Variants in MIS18BP1 observed in about 807,000 individuals in gnomAD.
MIS18BP1 encodes the protein MIS18 binding protein 1, also known as mis18-binding protein 1.
A neutral mutation model predicts 116.1 loss-of-function variants in MIS18BP1; 72 were observed. The ratio of observed to expected loss-of-function variants is 0.62; its 90% CI spans 0.51 to 0.75. The LOEUF (loss-of-function observed/expected upper bound fraction) is 0.75. Among genes scored for constraint, MIS18BP1 ranks in the 30% least tolerant of loss-of-function variants. The pLI, the probability that MIS18BP1 is intolerant of heterozygous loss-of-function variation, is 0.00. For missense variants in MIS18BP1, 1,363 were observed against 1,303.2 expected (o/e 1.05, Z -0.71); for synonymous variants, 386 against 427.0 (o/e 0.90, Z 1.18).
chr14:45,220,098 CCTTT>C (rs1387409354), intron 11 of MIS18BP1, among the ~76,000 whole-genome samples: 1 of 142,012 alleles, frequency 7.0e-6, no homozygotes. Context: ...TCTTTATTTA[CCTTT>C]CTTTTTTTTT....
intron 4 of MIS18BP1, among the ~76,000 whole-genome samples, chr14:45,240,698 G>A (rs1265853684): frequency 1.3e-5 from 2 of 151,986 alleles, no homozygotes; most frequent in East Asian, 3.9e-4. Flanking sequence ...AAAAAATGCA[G>A]GCCATGTTTC....
intron 6 of MIS18BP1, among the ~76,000 whole-genome samples, chr14:45,235,401 A>G (rs1301640821): frequency 6.6e-6 from 1 of 151,792 alleles, no homozygotes; most frequent in Non-Finnish European, 1.5e-5. Context: ...CATGCACAGG[A>G]CCAGCCTGGT....
chr14:45,224,465 T>C lies in MIS18BP1; in HGVS notation c.2122A>G (p.Ser708Gly). 6.2e-7 allele frequency: 1 copy of C among 1,613,934 alleles called. No individual in the cohort carries two copies. ...TLENTFEGHK[S>G]KNKEDCDERD... is the part of the protein sequence containing the mutation. ...TCATCGCAATCTTCCTTGTTTTTAC[T>C]TTTATGACCTTCAAATGTATTTTCT... The change falls in exon 11 of 17, where the codon AGT becomes GGT. Residue 708 changes from serine to glycine, a missense_variant. Ser to Gly is a moderately conservative substitution (Grantham distance 56, BLOSUM62 0). Coordinates refer to ENST00000310806, the MANE Select transcript of MIS18BP1 (RefSeq NM_018353.5).
chr14:45,204,065 CTGCT>C lies in MIS18BP1; in HGVS notation c.*40_*43del, dbSNP rs1291331134. On this transcript the variant is annotated 3_prime_UTR_variant, in exon 17 of 17. Coordinates refer to ENST00000310806, the MANE Select transcript of MIS18BP1 (RefSeq NM_018353.5). ...CTCCAGTTGAAAATACAAACACTGTCTGCTTTATGGTAAAAATCCCAGGAATCAT... is the reference window on the plus strand; with the variant it reads ...CTCCAGTTGAAAATACAAACACTGTCTTATGGTAAAAATCCCAGGAATCAT... 6.3e-7 allele frequency: 1 copy of C among 1,590,208 alleles called. No individual in the cohort carries two copies. The highest frequency in any genetic ancestry group is 8.5e-7 in the Non-Finnish European group (1 of 1,170,326).
At chr14:45,240,979 T>C (rs769582818) in intron 4 of MIS18BP1, among the ~76,000 whole-genome samples, 3 of 152,328 alleles carry the variant, frequency 2.0e-5, no homozygotes, top group East Asian at 3.9e-4. Flanking sequence ...AGCGAATATA[T>C]TGAGATATAA....
chr14:45,242,062 G>A lies in MIS18BP1; in HGVS notation c.1115C>T (p.Thr372Ile). 1 of 1,611,590 alleles carries A rather than the reference G, an allele frequency of 6.2e-7. No homozygotes were observed. The change falls in exon 4 of 17, where the codon ACT becomes ATT. Residue 372 changes from threonine (T) to isoleucine (I), a missense_variant. By Grantham distance (89) the Thr-to-Ile change is moderately conservative (BLOSUM62 -1). Coordinates refer to ENST00000310806, the MANE Select transcript of MIS18BP1 (RefSeq NM_018353.5). The stretch of plus-strand genomic sequence containing the variant: ...ATTTTTTTTAAGTCCATTTGTAACA[G>A]TTTGAAATATTCTTGGAGGAGAAAG... ...SKLSPPRIFQ[T>I]VTNGLKKNQV...
Position 45,218,426 on chromosome 14 carries a change from G to C in MIS18BP1, c.2698C>G (p.Pro900Ala). Residue 900 changes from proline (P) to alanine (A), a missense_variant, in exon 12 of 17, where the codon CCT becomes GCT. By Grantham distance (27) the Pro-to-Ala change is conservative. Transcript: ENST00000310806. ...CAFASLPKHK[P>A]GFWSEVAAAV... ...GCAGCTACCTCTGACCAGAAACCAG[G>C]TTTGTGCTTTGGAAGAGATGCAAAA... 1 of 1,609,272 alleles carries C rather than the reference G, an allele frequency of 6.2e-7. No homozygotes were observed. Among genetic ancestry groups the C allele is most frequent in the Non-Finnish European group, 8.5e-7 (1 of 1,178,998 alleles).
chr14:45,209,347 G>A (rs765907381), intron 14 of MIS18BP1, among the ~76,000 whole-genome samples: 1 of 149,890 alleles, frequency 6.7e-6, no homozygotes, highest in Non-Finnish European at 1.5e-5. Flanking sequence ...TTTTTTTTGA[G>A]ACAGGATCTC....
intron 6 of MIS18BP1, 97 bp from the exon 7 acceptor site, chr14:45,232,917 T>C (rs1322464178): frequency 9.4e-6 from 6 of 638,164 alleles, no homozygotes; most frequent in African/African-American, 1.9e-5. Context: ...TATGCACCTA[T>C]TGCTTAATAT....
intron 6 of MIS18BP1, among the ~76,000 whole-genome samples, chr14:45,233,437 A>C (rs1215279878): frequency 1.3e-5 from 2 of 152,164 alleles, no homozygotes; most frequent in Non-Finnish European, 2.9e-5. Context: ...GAAGCTATGG[A>C]AAGATTCCAA....
chr14:45,230,461 G>C (rs1227826690), intron 8 of MIS18BP1, among the ~76,000 whole-genome samples: 7 of 152,080 alleles, frequency 4.6e-5, no homozygotes, highest in Non-Finnish European at 8.8e-5. Context: ...CTATCCGTAG[G>C]AATGAAATTT....
intron 14 of MIS18BP1, among the ~76,000 whole-genome samples, chr14:45,208,452 C>G (rs1890584487): frequency 6.6e-6 from 1 of 151,500 alleles, no homozygotes; most frequent in Admixed American, 6.6e-5. Context: ...CCTGCCTCAG[C>G]CTTCTGAGTA....
rs761532465 is a variant in MIS18BP1, at chr14:45,218,295, G to C, written c.2829C>G (p.Ser943=). ...KHVTKKKPAN[S]KGQNGKRGDA... is the part of the protein sequence containing the mutation. ...TACGAAGGTTACCATTTTGGCCTTTGGAATTGGCTGGCTTCTTCTTAGTGA... is the reference window on the plus strand; with the variant it reads ...TACGAAGGTTACCATTTTGGCCTTTCGAATTGGCTGGCTTCTTCTTAGTGA... Residue 943 remains serine, a synonymous_variant, in exon 12 of 17, where the codon TCC becomes TCG. Transcript: ENST00000310806. The C allele has an allele frequency of 2.0e-5, 33 of 1,613,788 alleles. No homozygotes were observed. The highest frequency in any genetic ancestry group is 2.6e-5 in the Non-Finnish European group (31 of 1,179,946).
intron 11 of MIS18BP1, 144 bp downstream of exon 11, chr14:45,223,774 T>C: frequency 1.6e-6 from 1 of 611,732 alleles, no homozygotes; most frequent in Admixed American, 3.6e-5. Context: ...TTATGTGTAG[T>C]CTATCTCCAT....
At chr14:45,227,303 T>C (rs1376422733) in intron 9 of MIS18BP1, among the ~76,000 whole-genome samples, 3 of 151,782 alleles carry the variant, frequency 2.0e-5, no homozygotes, top group African/African-American at 2.4e-5. Flanking sequence ...GGTCAGGAGT[T>C]CGAGACCAGC....
At position 45,242,833 on chromosome 14, in the gene MIS18BP1, T is replaced by C; in HGVS notation, c.586A>G (p.Ile196Val). ...ATCTTTTGTTTGACCGGGAGGAAAA[T>C]ATCATTATTTGATGATTCTAGAGGA... ...GVPLESSNND[I>V]FLPVKQKIQC... is the part of the protein sequence containing the mutation. Residue 196 changes from isoleucine (I) to valine (V), a missense_variant, in exon 3 of 17, where the codon ATT becomes GTT. Physicochemically the swap from Ile to Val is conservative, Grantham distance 29. Coordinates refer to ENST00000310806, the MANE Select transcript of MIS18BP1 (RefSeq NM_018353.5). The C allele has an allele frequency of 1.2e-6, 2 of 1,613,400 alleles. No homozygotes were observed. The highest frequency in any genetic ancestry group is 1.7e-6 in the Non-Finnish European group (2 of 1,179,588).
chr14:45,235,706 T>C (rs147239985), intron 6 of MIS18BP1, 108 bp downstream of exon 6: 1 of 910,028 alleles, frequency 1.1e-6, no homozygotes, highest in East Asian at 3.1e-5. Flanking sequence ...GATTTATTCA[T>C]AATTTAAAAA....
At chr14:45,208,047 C>T (rs916808153) in intron 14 of MIS18BP1, among the ~76,000 whole-genome samples, 3 of 152,098 alleles carry the variant, frequency 2.0e-5, no homozygotes, top group Non-Finnish European at 4.4e-5. Context: ...AATTTCCTTC[C>T]TTACGAATTT....
intron 1 of MIS18BP1, among the ~76,000 whole-genome samples, chr14:45,248,073 T>C (rs562720784): frequency 1.3e-5 from 2 of 150,010 alleles, no homozygotes; most frequent in Non-Finnish European, 3.0e-5. Flanking sequence ...TTTTTTTTTT[T>C]CTTTTTTTGG....
Sources: allele counts gnomAD v4.1 joint callset (sites outside exome capture counted in the v4.1 genomes callset), GRCh38; gene constraint gnomAD v4.1.1; transcripts MANE v1.5; gene names NCBI Gene and HGNC (gene_info 2026-07-23, HGNC 2026-07-21).